The following REV3L variants were observed in gnomAD, a reference collection of about 807,000 sequenced individuals.
REV3L encodes the protein DNA polymerase zeta catalytic subunit.
REV3L carries 69 observed loss-of-function variants against 299.4 expected under a neutral mutation model. The ratio of observed to expected loss-of-function variants is 0.23; its 90% confidence interval spans 0.19 to 0.28. The LOEUF (loss-of-function observed/expected upper bound fraction) is 0.28, where lower values mean the gene tolerates loss of function less well. Ranked by LOEUF, REV3L falls within the 10% of genes least tolerant of loss-of-function variation. The pLI, the probability that REV3L is intolerant of heterozygous loss-of-function variation, is 1.00. For missense variants in REV3L, 3,128 were observed against 3,693.8 expected (o/e 0.85, Z 3.97); for synonymous variants, 1,238 against 1,271.4 (o/e 0.97, Z 0.56).
intron 24 of REV3L, among the ~76,000 whole-genome samples, chr6:111,331,416 C>T (rs1053133567): frequency 5.3e-5 from 8 of 152,100 alleles, no homozygotes; most frequent in African/African-American, 9.7e-5. Flanking sequence ...TATAAGCATA[C>T]GTTTATTTCT....
At chr6:111,465,326 CT>C (rs1343450556) in intron 1 of REV3L, among the ~76,000 whole-genome samples, 1 of 151,586 alleles carries the variant, frequency 6.6e-6, no homozygotes, top group Admixed American at 6.6e-5. Flanking sequence ...GGTGATCCAC[CT>C]GCCTCAGCCT....
intron 29 of REV3L, 53 bp downstream of exon 29, chr6:111,311,016 G>T: frequency 6.9e-7 from 1 of 1,447,780 alleles, no homozygotes; most frequent in South Asian, 1.5e-5. Flanking sequence ...GGGTCTTCTA[G>T]ACCTGTGCAG....
chr6:111,428,020 GA>G (rs373499101), intron 1 of REV3L, among the ~76,000 whole-genome samples: 141 of 117,694 alleles, frequency 1.2e-3, no homozygotes, highest in African/African-American at 2.1e-3. Flanking sequence ...GCAGATTTAA[GA>G]AAAAAAAAAA....
At chr6:111,430,960 G>C (rs1278063687) in intron 1 of REV3L, 1 of 1,583,606 alleles carries the variant, frequency 6.3e-7, no homozygotes, top group African/African-American at 1.4e-5. Context: ...GAAGACTTCA[G>C]TCTGGTGTGA....
At chr6:111,437,453 A>T (rs1338620553) in intron 1 of REV3L, among the ~76,000 whole-genome samples, 1 of 151,814 alleles carries the variant, frequency 6.6e-6, no homozygotes, top group African/African-American at 2.4e-5. Context: ...ATATAAAATT[A>T]AAATATTTCA....
chr6:111,368,977 G>T (rs1272640985), intron 13 of REV3L, among the ~76,000 whole-genome samples: 2 of 152,040 alleles, frequency 1.3e-5, no homozygotes, highest in African/African-American at 2.4e-5. Flanking sequence ...TATATGAAAA[G>T]ACTTAAGCCC....
chr6:111,387,418 T>A (rs1006439018), intron 9 of REV3L, among the ~76,000 whole-genome samples: 2 of 152,150 alleles, frequency 1.3e-5, no homozygotes, highest in Non-Finnish European at 2.9e-5. Context: ...TAAATTAAAC[T>A]TCAAGCTGCT....
chr6:111,477,807 T>C (rs112879976), intron 1 of REV3L, among the ~76,000 whole-genome samples: 1 of 152,168 alleles, frequency 6.6e-6, no homozygotes, highest in Non-Finnish European at 1.5e-5. Context: ...ATCCCTCTGA[T>C]TACAGTGTAG....
rs765040932 is a variant in REV3L, at chr6:111,351,806, TAA to T, written c.7185-17_7185-16del. On this transcript the variant is annotated splice_polypyrimidine_tract_variant and intron_variant, in intron 18 of 31. Transcript: ENST00000368802. ...CAGGATCATACCTAAAAAAGGAATTTAAAAAAGTTATATAAGTACCATACATT... is the reference window on the plus strand; with the variant it reads ...CAGGATCATACCTAAAAAAGGAATTTAAAAGTTATATAAGTACCATACATT... 6 of 1,525,004 alleles carry T rather than the reference TAA, an allele frequency of 3.9e-6. No homozygotes were observed. Among genetic ancestry groups the T allele is most frequent in the Non-Finnish European group, 5.4e-6 (6 of 1,102,128 alleles). 94.5% of individuals were successfully genotyped at this position (1,525,004 alleles called of 1,614,324 possible).
At chr6:111,440,093 T>C (rs367810681) in intron 1 of REV3L, among the ~76,000 whole-genome samples, 1 of 151,018 alleles carries the variant, frequency 6.6e-6, no homozygotes, top group East Asian at 1.9e-4. Context: ...GACGGAGGAG[T>C]TTCGCTCTTG....
At chr6:111,331,577 GTTTT>G in intron 24 of REV3L, 95 bp downstream of exon 24, 1 of 705,230 alleles carries the variant, frequency 1.4e-6, no homozygotes. Context: ...CAAACTCGGT[GTTTT>G]TGTTTTCTAT....
intron 13 of REV3L, among the ~76,000 whole-genome samples, chr6:111,368,383 C>A (rs891293241): frequency 6.6e-6 from 1 of 152,194 alleles, no homozygotes; most frequent in East Asian, 1.9e-4. Flanking sequence ...ATTATTACCA[C>A]ATATGAATAA....
At position 111,390,191 on chromosome 6, in the gene REV3L, A is replaced by C. The variant is rs770567720; in HGVS notation, c.663-11T>G. The stretch of plus-strand genomic sequence containing the variant: ...TCCAATATTAAAGAGCTGCAATTAA[A>C]GGATATAAAAAACATAATAATTATG... On this transcript the variant is annotated splice_polypyrimidine_tract_variant and intron_variant, in intron 5 of 31. Transcript: ENST00000368802. 2.0e-6 allele frequency: 3 copies of C among 1,510,212 alleles called. No individual in the cohort carries two copies. In the African/African-American group the frequency reaches 4.1e-5, roughly 21 times the overall value. 93.6% of individuals were successfully genotyped at this position (1,510,212 alleles called of 1,614,324 possible).
At chr6:111,301,699 A>T (rs1198311159) in intron 31 of REV3L, among the ~76,000 whole-genome samples, 1 of 152,198 alleles carries the variant, frequency 6.6e-6, no homozygotes. Context: ...ATGTATAATA[A>T]GATCTGATCT....
intron 11 of REV3L, among the ~76,000 whole-genome samples, 156 bp from the exon 12 acceptor site, chr6:111,377,999 AAAATTG>A (rs1780481507): frequency 6.6e-6 from 1 of 152,196 alleles, no homozygotes; most frequent in Admixed American, 6.5e-5. Context: ...AAAAAATCTG[AAAATTG>A]TAACTTCTAG....
intron 4 of REV3L, among the ~76,000 whole-genome samples, chr6:111,397,532 G>C (rs1048429214): frequency 3.3e-5 from 5 of 152,158 alleles, no homozygotes; most frequent in Admixed American, 1.3e-4. Context: ...CCTAACGTAT[G>C]ATCTTTCCTG....
chr6:111,363,720 G>T, intron 16 of REV3L, 133 bp downstream of exon 16: 1 of 810,104 alleles, frequency 1.2e-6, no homozygotes, highest in Non-Finnish European at 1.8e-6. Flanking sequence ...AGTAAAATGA[G>T]AACAAGATGA....
chr6:111,389,928 G>A (rs1448007660), intron 6 of REV3L, among the ~76,000 whole-genome samples, 158 bp downstream of exon 6: 1 of 151,580 alleles, frequency 6.6e-6, no homozygotes, highest in Non-Finnish European at 1.5e-5. Flanking sequence ...TAGTAGAGAC[G>A]GGGTTTCACC....
Position 111,331,798 on chromosome 6 carries a change from G to A in REV3L, c.7926-14C>T. ...AACTCATCATACCTGTTAAGAAAGA[G>A]AACATTAAGCAAATACTTCCTCAAA... On this transcript the variant is annotated splice_polypyrimidine_tract_variant and intron_variant, in intron 23 of 31. Coordinates refer to ENST00000368802, the MANE Select transcript of REV3L (RefSeq NM_001372078.1). The A allele has an allele frequency of 4.6e-6, 7 of 1,510,756 alleles. No individual in the cohort carries two copies. Among genetic ancestry groups the A allele is most frequent in the Non-Finnish European group, 5.5e-6 (6 of 1,090,036 alleles). 93.6% of individuals were successfully genotyped at this position (1,510,756 alleles called of 1,614,324 possible).
Sources: allele counts gnomAD v4.1 joint callset (sites outside exome capture counted in the v4.1 genomes callset), GRCh38; gene constraint gnomAD v4.1.1; transcripts MANE v1.5; gene names NCBI Gene and HGNC (gene_info 2026-07-23, HGNC 2026-07-21).